CCSER1: variants seen among roughly 807,000 people sequenced by gnomAD.
CCSER1 encodes coiled-coil serine rich protein 1.
CCSER1 carries 41 observed loss-of-function variants against 82.0 expected under a neutral mutation model. That is an observed-to-expected ratio of 0.50 (90% CI 0.39 to 0.65). The LOEUF is 0.65. Among genes scored for constraint, CCSER1 ranks in the 30% least tolerant of loss-of-function variants. The pLI is 0.00. For missense variants in CCSER1, 1,119 were observed against 1,064.2 expected (o/e 1.05, Z -0.72); for synonymous variants, 414 against 383.9 (o/e 1.08, Z -0.92).
At chr4:91,513,619 T>A (rs908387207) in intron 10 of CCSER1, among the ~76,000 whole-genome samples, 5 of 152,158 alleles carry the variant, frequency 3.3e-5, no homozygotes, top group African/African-American at 1.2e-4. Flanking sequence ...GTAGGTTTTT[T>A]ATCACTGATT....
chr4:90,276,262 C>CTT (rs2153457528), intron 1 of CCSER1, among the ~76,000 whole-genome samples: 1 of 109,436 alleles, frequency 9.1e-6, no homozygotes, highest in South Asian at 3.4e-4. Context: ...TTCCTTCCTT[C>CTT]CTTCCTTCCT....
At chr4:90,426,197 A>C (rs187666092) in intron 4 of CCSER1, among the ~76,000 whole-genome samples, 57 of 152,322 alleles carry the variant, frequency 3.7e-4, no homozygotes, top group Non-Finnish European at 2.9e-5. Context: ...CTCATCTATA[A>C]AATATTTCAA....
chr4:91,004,082 G>T (rs569308835), intron 9 of CCSER1, among the ~76,000 whole-genome samples: 1 of 152,154 alleles, frequency 6.6e-6, no homozygotes, highest in African/African-American at 2.4e-5. Flanking sequence ...GGTGTCTCCC[G>T]GGTCCTACAG....
At chr4:90,585,888 A>G (rs1371508104) in intron 5 of CCSER1, among the ~76,000 whole-genome samples, 1 of 152,190 alleles carries the variant, frequency 6.6e-6, no homozygotes, top group Non-Finnish European at 1.5e-5. Context: ...ACACTGTGCT[A>G]TGTGACATTA....
Position 90,475,924 on chromosome 4 carries a change from C to G in CCSER1, c.1724+7570C>G, listed in dbSNP as rs187756808. On this transcript the variant is annotated intron_variant, in intron 5 of 10. Coordinates refer to ENST00000509176, the MANE Select transcript of CCSER1 (RefSeq NM_001145065.2). ...CACCCTGGTAGCAGGAATGCATTAG[C>G]TGTACCACTGAGGAAGTTTAATCTT... Among the ~76,000 whole-genome samples, 169 of 152,262 alleles carry G rather than the reference C, an allele frequency of 1.1e-3. 1 individual carries two copies. Among genetic ancestry groups the G allele is most frequent in the African/African-American group, 3.5e-3 (144 of 41,552 alleles).
intron 3 of CCSER1, among the ~76,000 whole-genome samples, chr4:90,371,519 C>T (rs763748420): frequency 6.6e-6 from 1 of 150,472 alleles, no homozygotes; most frequent in Non-Finnish European, 1.5e-5. Context: ...TAATAACCAA[C>T]TCCCTTAAGA....
chr4:90,932,968 A>AGAGAGAGAGAGAG, intron 9 of CCSER1, among the ~76,000 whole-genome samples: 1 of 44,126 alleles, frequency 2.3e-5, no homozygotes, highest in South Asian at 5.8e-4. Flanking sequence ...GAAAGAAAGA[A>AGAGAGAGAGAGAG]AGAAAGAAAG....
intron 8 of CCSER1, among the ~76,000 whole-genome samples, chr4:90,922,004 A>G (rs1728454058): frequency 6.6e-6 from 1 of 151,966 alleles, no homozygotes; most frequent in African/African-American, 2.4e-5. Context: ...CCACATTTTT[A>G]CTTATCTTTT....
intron 8 of CCSER1, among the ~76,000 whole-genome samples, chr4:90,886,595 T>C (rs1722156102): frequency 1.3e-5 from 2 of 152,180 alleles, no homozygotes; most frequent in South Asian, 4.2e-4. Context: ...TTAGTAAAAA[T>C]TGTAATAAAA....
intron 5 of CCSER1, among the ~76,000 whole-genome samples, chr4:90,482,621 T>C (rs1416124479): frequency 3.3e-5 from 5 of 152,124 alleles, no homozygotes; most frequent in Non-Finnish European, 4.4e-5. Context: ...GCCTTCATTT[T>C]GTTATGTACC....
chr4:90,449,517 G>A (rs368479765), intron 4 of CCSER1, among the ~76,000 whole-genome samples: 35 of 152,308 alleles, frequency 2.3e-4, no homozygotes, highest in East Asian at 1.5e-3. Flanking sequence ...CGCTCATGGT[G>A]CCCAGGCTGT....
rs570243073 is a variant in CCSER1, at chr4:91,209,735, T to C, written c.2217+123741T>C. ...GATGATGCTGGCCTCGTAGAATGAA[T>C]TGGGGAGGAGTCAATTTCAGAGCTC... On this transcript the variant is annotated intron_variant, in intron 10 of 10. Coordinates refer to ENST00000509176, the MANE Select transcript of CCSER1 (RefSeq NM_001145065.2). Among the ~76,000 whole-genome samples, 17 of 152,000 alleles carry C rather than the reference T, an allele frequency of 1.1e-4. No homozygotes were observed. In the East Asian group the frequency reaches 2.7e-3, roughly 24 times the overall value.
At chr4:90,211,760 T>C (rs929581408) in intron 1 of CCSER1, among the ~76,000 whole-genome samples, 1 of 152,226 alleles carries the variant, frequency 6.6e-6, no homozygotes, top group Non-Finnish European at 1.5e-5. Context: ...TTTTAGGAAG[T>C]TTACTGATGA....
intron 9 of CCSER1, among the ~76,000 whole-genome samples, chr4:90,974,596 C>T (rs549697006): frequency 4.0e-5 from 6 of 151,276 alleles, no homozygotes; most frequent in East Asian, 2.0e-4. Context: ...CACAAATTGC[C>T]GATAAATGCA....
intron 10 of CCSER1, among the ~76,000 whole-genome samples, chr4:91,534,088 G>A (rs1420886389): frequency 2.0e-5 from 3 of 151,982 alleles, no homozygotes; most frequent in African/African-American, 7.2e-5. Flanking sequence ...CTAAATTTGT[G>A]AGGCTAATAT....
At chr4:90,399,121 C>A (rs977198904) in intron 3 of CCSER1, among the ~76,000 whole-genome samples, 1 of 152,016 alleles carries the variant, frequency 6.6e-6, no homozygotes, top group Non-Finnish European at 1.5e-5. Flanking sequence ...TTGTTAGTCT[C>A]TAATAAGTTC....
chr4:90,742,057 A>G (rs760630507), intron 7 of CCSER1, among the ~76,000 whole-genome samples: 1 of 152,102 alleles, frequency 6.6e-6, no homozygotes, highest in East Asian at 1.9e-4. Context: ...AAGGGGAAGC[A>G]AGTATGTCTT....
chr4:91,395,875 C>T (rs1381250791), intron 10 of CCSER1, among the ~76,000 whole-genome samples: 1 of 152,092 alleles, frequency 6.6e-6, no homozygotes, highest in African/African-American at 2.4e-5. Context: ...ACTCGCCTTA[C>T]TCCAACTTCA....
At chr4:91,053,761 T>G (rs2148715195) in intron 9 of CCSER1, among the ~76,000 whole-genome samples, 1 of 152,356 alleles carries the variant, frequency 6.6e-6, no homozygotes, top group East Asian at 1.9e-4. Flanking sequence ...TCTATGCAAT[T>G]TTAGCATTAC....
Sources: gnomAD v4.1 joint callset for allele counts (sites outside exome capture counted in the v4.1 genomes callset) on GRCh38, gnomAD v4.1.1 for gene constraint, MANE v1.5 for transcripts, NCBI Gene and HGNC (gene_info 2026-07-23, HGNC 2026-07-21) for gene names.